Variants in RGS10 observed in about 807,000 individuals in gnomAD.
The protein encoded by RGS10 is regulator of G-protein signalling 10.
In RGS10, 11 loss-of-function variants were observed where a neutral mutation model predicts 23.5. That is an observed-to-expected ratio of 0.47 (90% CI 0.29 to 0.77). The LOEUF is 0.77. Ranked by LOEUF, RGS10 falls within the 30% of genes least tolerant of loss-of-function variation. The pLI is 0.08. For missense variants in RGS10, 180 were observed against 226.3 expected, an observed-to-expected ratio of 0.80 and a Z score of 1.31; for synonymous variants, 77 against 83.2, an observed-to-expected ratio of 0.92 and a Z score of 0.41.
At chr10:119,516,770 G>A (rs533629538) in intron 3 of RGS10, among the ~76,000 whole-genome samples, 1 of 152,278 alleles carries the variant, frequency 6.6e-6, no homozygotes, top group African/African-American at 2.4e-5. Context: ...AGTGAGAACT[G>A]TGTCTTCAGG....
chr10:119,499,818 T>C lies in RGS10; in HGVS notation c.*295A>G. On this transcript the variant is annotated 3_prime_UTR_variant, in exon 5 of 5. Coordinates refer to ENST00000369103, the MANE Select transcript of RGS10 (RefSeq NM_001005339.2). ...CAAGGTAAAAGGTAGTGTGATACGT[T>C]TCACCTTGTGGCCTTACATGAGGTT... The C allele has an allele frequency of 3.6e-6, 1 of 279,840 alleles. No individual in the cohort carries two copies. The highest frequency in any genetic ancestry group is 8.2e-5 in the East Asian group (1 of 12,206). 17.3% of individuals were successfully genotyped at this position (279,840 alleles called of 1,614,324 possible). A position where few individuals can be genotyped will look rare whatever the true frequency, so the allele number is the denominator to read the frequency against.
chr10:119,516,606 A>G (rs1844147392), intron 3 of RGS10: 1 of 152,218 alleles, frequency 6.6e-6, no homozygotes, highest in African/African-American at 2.4e-5. Flanking sequence ...TACTGAGCAC[A>G]GCAGTGGAGA....
At chr10:119,500,972 CGGCTGCCCCCGCCGGCATGGCA>C (rs368651422) in intron 4 of RGS10, among the ~76,000 whole-genome samples, 70 of 152,232 alleles carry the variant, frequency 4.6e-4, no homozygotes, top group African/African-American at 1.3e-3. Context: ...CCAGATTAGA[CGGCTGCCCCCGCCGGCATGGCA>C]GGTGCTCAGA....
At chr10:119,509,077 G>C (rs992168631) in intron 4 of RGS10, among the ~76,000 whole-genome samples, 1 of 152,130 alleles carries the variant, frequency 6.6e-6, no homozygotes, top group African/African-American at 2.4e-5. Flanking sequence ...TTCCAGCCTC[G>C]ATGACAGAGG....
chr10:119,526,969 A>G (rs886081038), intron 2 of RGS10, among the ~76,000 whole-genome samples: 2 of 152,052 alleles, frequency 1.3e-5, no homozygotes, highest in East Asian at 3.9e-4. Flanking sequence ...AGCACGAGAG[A>G]ACAAGCCTTC....
intron 4 of RGS10, among the ~76,000 whole-genome samples, chr10:119,509,962 G>A (rs1440808911): frequency 6.6e-6 from 1 of 151,954 alleles, no homozygotes; most frequent in African/African-American, 2.4e-5. Flanking sequence ...GGGGGAAGGG[G>A]GGAGAGGGGA....
intron 1 of RGS10, among the ~76,000 whole-genome samples, chr10:119,537,976 G>C (rs988869842): frequency 6.6e-6 from 1 of 152,172 alleles, no homozygotes; most frequent in Admixed American, 6.5e-5. Flanking sequence ...ACCTCTACAA[G>C]ATTCTGTGGA....
At chr10:119,505,954 T>G (rs1174582992) in intron 4 of RGS10, among the ~76,000 whole-genome samples, 1 of 152,220 alleles carries the variant, frequency 6.6e-6, no homozygotes, top group Non-Finnish European at 1.5e-5. Flanking sequence ...CGGGATATCA[T>G]ATCTGCTTTA....
chr10:119,534,304 T>TAAATAAAA (rs1554858928), intron 1 of RGS10, among the ~76,000 whole-genome samples: 5 of 117,258 alleles, frequency 4.3e-5, no homozygotes, highest in African/African-American at 1.6e-4. Context: ...AATAAATAAA[T>TAAATAAAA]AAAAAAGGCC....
chr10:119,530,880 A>G (rs1014159284), intron 1 of RGS10, among the ~76,000 whole-genome samples: 4 of 152,228 alleles, frequency 2.6e-5, no homozygotes, highest in African/African-American at 9.6e-5. Context: ...CCATGCTTCA[A>G]TGCTCATTGG....
chr10:119,527,514 T>C lies in RGS10; in HGVS notation c.50-90A>G. On this transcript the variant is annotated intron_variant, in intron 1 of 4. Coordinates refer to ENST00000369103, the MANE Select transcript of RGS10 (RefSeq NM_001005339.2). This position sits in a 1 kb window ranked among gnomAD's most constrained non-coding sequence, Gnocchi z 4.2. ...GCAATGGTCAGCACTGCCGTCACCATCACGGCTGACATACACCGACTTATG... is the reference window on the plus strand; with the variant it reads ...GCAATGGTCAGCACTGCCGTCACCACCACGGCTGACATACACCGACTTATG... The C allele has an allele frequency of 1.1e-5, 10 of 940,080 alleles. No homozygotes were observed. In the South Asian group the frequency reaches 1.4e-4, roughly 13 times the overall value. 58.2% of individuals were successfully genotyped at this position (940,080 alleles called of 1,614,324 possible).
intron 4 of RGS10, 91 bp downstream of exon 4, chr10:119,515,418 G>T: frequency 6.7e-7 from 1 of 1,482,510 alleles, no homozygotes; most frequent in Non-Finnish European, 9.3e-7. Flanking sequence ...GGTTTCCAGG[G>T]AGTCTAACAT....
chr10:119,519,894 C>G (rs1478621807), intron 3 of RGS10, among the ~76,000 whole-genome samples: 2 of 152,216 alleles, frequency 1.3e-5, no homozygotes, highest in East Asian at 1.9e-4. Context: ...CAGACCAACC[C>G]TCCCCCAAGC....
At chr10:119,506,913 C>A (rs191006368) in intron 4 of RGS10, among the ~76,000 whole-genome samples, 19 of 152,218 alleles carry the variant, frequency 1.2e-4, no homozygotes, top group Admixed American at 1.2e-3. Context: ...GTTAGCCAGG[C>A]TGGTCTCAAT....
At chr10:119,525,368 C>A (rs1489554467) in intron 3 of RGS10, among the ~76,000 whole-genome samples, 2 of 152,186 alleles carry the variant, frequency 1.3e-5, no homozygotes, top group Non-Finnish European at 2.9e-5. Flanking sequence ...CTCCCTCCAG[C>A]CTCACACCAG....
At chr10:119,505,322 C>CTTTTTT (rs11317053) in intron 4 of RGS10, among the ~76,000 whole-genome samples, 1 of 90,076 alleles carries the variant, frequency 1.1e-5, no homozygotes, top group Non-Finnish European at 2.1e-5. Flanking sequence ...CATTCTGCAT[C>CTTTTTT]TTTTTTTTTT....
intron 4 of RGS10, among the ~76,000 whole-genome samples, chr10:119,507,232 C>T (rs949276049): frequency 6.6e-5 from 10 of 152,286 alleles, no homozygotes; most frequent in Non-Finnish European, 1.3e-4. Context: ...AAGACTGACA[C>T]ATCCTAAGTC....
At chr10:119,536,646 C>G in intron 1 of RGS10, 1 of 655,620 alleles carries the variant, frequency 1.5e-6, no homozygotes, top group Admixed American at 3.1e-5. Context: ...CCACTGGTTT[C>G]CAGTTTCTAC....
chr10:119,501,697 T>C (rs1049673819), intron 4 of RGS10, among the ~76,000 whole-genome samples: 3 of 151,840 alleles, frequency 2.0e-5, no homozygotes, highest in Non-Finnish European at 4.4e-5. Context: ...CACTCCAGCC[T>C]GGGCAACAGA....
Sources: allele counts gnomAD v4.1 joint callset (sites outside exome capture counted in the v4.1 genomes callset), GRCh38; gene constraint gnomAD v4.1.1; non-coding constraint Gnocchi (gnomAD v3.1); transcripts MANE v1.5; gene names NCBI Gene and HGNC (gene_info 2026-07-23, HGNC 2026-07-21).